Variants in KPNA1 observed in about 807,000 individuals in gnomAD.
KPNA1 encodes the protein importin subunit alpha-5.
KPNA1 carries 10 observed loss-of-function variants against 70.5 expected under a neutral mutation model. That is an observed-to-expected ratio of 0.14 (90% confidence interval 0.09 to 0.24). The LOEUF (loss-of-function observed/expected upper bound fraction) is 0.24, where lower values mean the gene tolerates loss of function less well. Ranked by LOEUF, KPNA1 falls within the 10% of genes least tolerant of loss-of-function variation. The pLI, the probability that KPNA1 is intolerant of heterozygous loss-of-function variation, is 1.00. For missense variants in KPNA1, 397 were observed against 637.9 expected (o/e 0.62, Z 4.07); for synonymous variants, 192 against 221.9 (o/e 0.87, Z 1.20).
At chr3:122,436,276 CAATG>C (rs2107721685) in intron 11 of KPNA1, among the ~76,000 whole-genome samples, 1 of 152,302 alleles carries the variant, frequency 6.6e-6, no homozygotes, top group Non-Finnish European at 1.5e-5. Flanking sequence ...TTATCGATGA[CAATG>C]CATGCCTGAA....
rs576494683 is a variant in KPNA1 at position 122,464,148 on chromosome 3, C to A, written c.238-107G>T. 62 of 503,484 alleles carry A rather than the reference C, an allele frequency of 1.2e-4. 1 individual carries two copies. Among genetic ancestry groups the A allele is most frequent in the Non-Finnish European group, 2.0e-4 (58 of 289,056 alleles). The allele number at this position is 503,484 out of a possible 1,614,324, so 31.2% of individuals were successfully genotyped here. ...AGTTATTAAGTTAATCATACTTCCC[C>A]AGAAGTTACATAAAGGTAGGACAAT... On this transcript the variant is annotated intron_variant, in intron 3 of 13. Coordinates refer to ENST00000344337, the MANE Select transcript of KPNA1 (RefSeq NM_002264.4).
intron 2 of KPNA1, among the ~76,000 whole-genome samples, chr3:122,476,514 T>C (rs2076499276): frequency 6.6e-6 from 1 of 152,002 alleles, no homozygotes; most frequent in African/African-American, 2.4e-5. Context: ...TTGCAAACCG[T>C]ACATCAGATA....
At chr3:122,467,205 T>C (rs1199328794) in intron 3 of KPNA1, 117 bp downstream of exon 3, 1 of 510,102 alleles carries the variant, frequency 2.0e-6, no homozygotes, top group Non-Finnish European at 3.5e-6. Flanking sequence ...GCATATTCTT[T>C]TTAAAAATGA....
intron 9 of KPNA1, among the ~76,000 whole-genome samples, chr3:122,448,185 G>C (rs2076161487): frequency 6.6e-6 from 1 of 152,182 alleles, no homozygotes; most frequent in Non-Finnish European, 1.5e-5. Context: ...GTGGAAGACA[G>C]TGTGGCGATT....
chr3:122,477,357 C>G (rs140954293), intron 2 of KPNA1, among the ~76,000 whole-genome samples: 1 of 152,284 alleles, frequency 6.6e-6, no homozygotes, highest in Non-Finnish European at 1.5e-5. Flanking sequence ...TATTGTACAA[C>G]ATGGTGACTA....
At chr3:122,436,205 C>T (rs1399569318) in intron 11 of KPNA1, among the ~76,000 whole-genome samples, 6 of 152,152 alleles carry the variant, frequency 3.9e-5, no homozygotes, top group African/African-American at 1.4e-4. Flanking sequence ...AGGAAATTCC[C>T]GCCTAGTAAA....
chr3:122,436,927 G>A (rs1241663571), intron 11 of KPNA1, among the ~76,000 whole-genome samples: 1 of 152,098 alleles, frequency 6.6e-6, no homozygotes, highest in East Asian at 1.9e-4. Flanking sequence ...ACAGGCACCT[G>A]CCACTGCGAC....
At chr3:122,441,850 C>T (rs1209815932) in intron 10 of KPNA1, among the ~76,000 whole-genome samples, 188 bp downstream of exon 10, 8 of 152,246 alleles carry the variant, frequency 5.3e-5, no homozygotes, top group South Asian at 2.1e-4. Context: ...ATCCGTCCGC[C>T]TCAGTCTCCC....
chr3:122,424,479 T>C lies in KPNA1; in HGVS notation c.*2506A>G, dbSNP rs1384220101. On this transcript the variant is annotated 3_prime_UTR_variant, in exon 14 of 14. Coordinates refer to ENST00000344337, the MANE Select transcript of KPNA1 (RefSeq NM_002264.4). ...GATACTTTAAGAAAAAATCATTTTA[T>C]TGTTAAAAAAGAAAAAAAAACTTAG... 1 of 152,380 alleles carries C rather than the reference T, an allele frequency of 6.6e-6. No individual in the cohort carries two copies. The highest frequency in any genetic ancestry group is 2.4e-5 in the African/African-American group (1 of 41,436). The allele number at this position is 152,380 out of a possible 1,614,324, so 9.4% of individuals were successfully genotyped here. A position where few individuals can be genotyped will look rare whatever the true frequency, so the allele number is the denominator to read the frequency against.
At position 122,424,464 on chromosome 3, in the gene KPNA1, G is replaced by GA. The variant is rs2075796156; in HGVS notation, c.*2520dup. ...GCCAATTCCAACTTTGATACTTTAA[G>GA]AAAAAATCATTTTATTGTTAAAAAA... On this transcript the variant is annotated 3_prime_UTR_variant, in exon 14 of 14. Transcript: ENST00000344337. 6.6e-6 allele frequency: 1 copy of GA among 151,858 alleles called. No homozygotes were observed. The highest frequency in any genetic ancestry group is 1.5e-5 in the Non-Finnish European group (1 of 67,940). 9.4% of individuals were successfully genotyped at this position (151,858 alleles called of 1,614,324 possible). A position where few individuals can be genotyped will look rare whatever the true frequency, so the allele number is the denominator to read the frequency against.
chr3:122,459,366 C>G, intron 5 of KPNA1: 2 of 940,264 alleles, frequency 2.1e-6, no homozygotes, highest in Admixed American at 6.2e-5. Context: ...AATTCAGTAT[C>G]TCTCATCTAC....
chr3:122,509,251 A>C (rs1051497588), intron 1 of KPNA1, among the ~76,000 whole-genome samples: 1 of 151,876 alleles, frequency 6.6e-6, no homozygotes, highest in Non-Finnish European at 1.5e-5. Context: ...ATCAAACAAA[A>C]AAAAAAAAAA....
intron 2 of KPNA1, among the ~76,000 whole-genome samples, chr3:122,474,154 G>A (rs1022589583): frequency 4.6e-5 from 7 of 151,920 alleles, no homozygotes; most frequent in Non-Finnish European, 7.4e-5. Flanking sequence ...AAACATATAC[G>A]AGATTTCTAT....
At chr3:122,459,261 G>A (rs748998089) in intron 5 of KPNA1, among the ~76,000 whole-genome samples, 17 of 152,072 alleles carry the variant, frequency 1.1e-4, no homozygotes, top group Admixed American at 2.6e-4. Flanking sequence ...CCATTTCTCC[G>A]ACTTTTTTCA....
Position 122,464,622 on chromosome 3 carries a change from C to T in KPNA1, c.238-581G>A, listed in dbSNP as rs548026487. 2.8e-4 allele frequency among the ~76,000 whole-genome samples: 43 copies of T among 152,320 alleles called. 1 individual carries two copies. In the South Asian group the frequency reaches 4.8e-3, roughly 17 times the overall value. On this transcript the variant is annotated intron_variant, in intron 3 of 13. Coordinates refer to ENST00000344337, the MANE Select transcript of KPNA1 (RefSeq NM_002264.4). ...GTATAAATCCAGCCACTGCCAAATT[C>T]AACAGCTGACTCTTAAACTTATTTA... is the stretch of plus-strand genomic sequence containing the variant.
rs80342405 is a variant in KPNA1, at chr3:122,464,632, C to T, written c.238-591G>A. On this transcript the variant is annotated intron_variant, in intron 3 of 13. Transcript: ENST00000344337. ...AGCCACTGCCAAATTCAACAGCTGA[C>T]TCTTAAACTTATTTAAAATTTCTTT... 1.8e-3 allele frequency among the ~76,000 whole-genome samples: 271 copies of T among 152,360 alleles called. 2 individuals are homozygous for T. Among genetic ancestry groups the T allele is most frequent in the African/African-American group, 6.2e-3 (259 of 41,592 alleles).
At chr3:122,455,742 G>C (rs1411282104) in intron 5 of KPNA1, among the ~76,000 whole-genome samples, 1 of 152,008 alleles carries the variant, frequency 6.6e-6, no homozygotes, top group African/African-American at 2.4e-5. Context: ...TTTTAGTAGA[G>C]ACGAGGTTTC....
At chr3:122,477,149 T>C (rs563815677) in intron 2 of KPNA1, among the ~76,000 whole-genome samples, 2 of 152,102 alleles carry the variant, frequency 1.3e-5, no homozygotes, top group African/African-American at 4.8e-5. Context: ...TGGAGGATAT[T>C]ATGTTAAGGC....
At chr3:122,445,576 G>T (rs1338926511) in intron 9 of KPNA1, among the ~76,000 whole-genome samples, 1 of 152,166 alleles carries the variant, frequency 6.6e-6, no homozygotes, top group Non-Finnish European at 1.5e-5. Flanking sequence ...ATGCCAAATT[G>T]TAAAGACCAT....
Sources: gnomAD v4.1 joint callset for allele counts (sites outside exome capture counted in the v4.1 genomes callset) on GRCh38, gnomAD v4.1.1 for gene constraint, MANE v1.5 for transcripts, NCBI Gene and HGNC (gene_info 2026-07-23, HGNC 2026-07-21) for gene names.